Variants in LRIG2 observed in about 807,000 individuals in gnomAD.
LRIG2 encodes leucine-rich repeats and immunoglobulin-like domains protein 2.
LRIG2 carries 93 observed loss-of-function variants against 107.8 expected under a neutral mutation model. The ratio of observed to expected loss-of-function variants is 0.86; its 90% confidence interval spans 0.73 to 1.03. The LOEUF (loss-of-function observed/expected upper bound fraction) is 1.03. Ranked by LOEUF, LRIG2 falls within the 50% of genes least tolerant of loss-of-function variation. The pLI is 0.00. For missense variants in LRIG2, 1,226 were observed against 1,296.0 expected (o/e 0.95, Z 0.83); for synonymous variants, 471 against 470.6 (o/e 1.00, Z -0.01).
chr1:113,112,505 A>G lies in LRIG2; in HGVS notation c.1825A>G (p.Met609Val), dbSNP rs374221574. 3.1e-5 allele frequency: 50 copies of G among 1,603,678 alleles called. No homozygotes were observed. Among genetic ancestry groups the G allele is most frequent in the Admixed American group, 2.7e-4 (16 of 59,310 alleles). The change falls in exon 14 of 18, where the codon ATG (methionine) becomes GTG (valine). Residue 609 changes from methionine to valine, a missense_variant. Met to Val is a conservative substitution (Grantham distance 21). Coordinates refer to ENST00000361127, the MANE Select transcript of LRIG2 (RefSeq NM_014813.3). ...GATGCCATCTTTTCTGAAAACGCCA[A>G]TGGATCTGACTATTCGCACTGGTGC... ...NEMPSFLKTPMDLTIRTGAMA... is the reference protein window; with the variant it reads ...NEMPSFLKTPVDLTIRTGAMA...
In LRIG2 at chr1:113,090,917, A is replaced by C. The variant is rs139498068; in HGVS notation, c.240-401A>C. ...CCTACGCTGGAGTACAGTGACGTGA[A>C]CTTGGCTCACTGCAACCTCTGCCTC... On this transcript the variant is annotated intron_variant, in intron 1 of 17. Transcript: ENST00000361127. Among the ~76,000 whole-genome samples the C allele has an allele frequency of 5.3e-3, 809 of 151,458 alleles. 11 individuals are homozygous for C. Among genetic ancestry groups the C allele is most frequent in the African/African-American group, 0.019 (781 of 41,390 alleles).
At chr1:113,104,896 C>T (rs1181262690) in intron 11 of LRIG2, among the ~76,000 whole-genome samples, 1 of 152,094 alleles carries the variant, frequency 6.6e-6, no homozygotes, top group Non-Finnish European at 1.5e-5. Context: ...GTCTGTAATC[C>T]CAGTACTTTG....
intron 15 of LRIG2, among the ~76,000 whole-genome samples, 171 bp from the exon 16 acceptor site, chr1:113,116,116 A>G (rs145563293): frequency 9.5e-4 from 145 of 152,330 alleles, no homozygotes; most frequent in African/African-American, 3.3e-3. Flanking sequence ...AAGCTTTGAG[A>G]AGAATTCTAG....
At chr1:113,099,198 G>A (rs1479362921) in intron 9 of LRIG2, among the ~76,000 whole-genome samples, 2 of 147,640 alleles carry the variant, frequency 1.4e-5, no homozygotes, top group African/African-American at 5.0e-5. Context: ...GCCTCCCAAA[G>A]TGCCCGGATT....
chr1:113,094,561 A>T, intron 5 of LRIG2, 51 bp from the exon 6 acceptor site: 1 of 1,589,820 alleles, frequency 6.3e-7, no homozygotes, highest in Non-Finnish European at 8.6e-7. Flanking sequence ...AATTACTGTT[A>T]GAACATTTTA....
rs1655499779 is a variant in LRIG2, at chr1:113,126,762, CT to C, written c.*2664del. ...TCACCTGATTCTTGTGGGGAATCCTCTTTAATTTGTTGTAACCTTCTCAGCA... is the reference window on the plus strand; with the variant it reads ...TCACCTGATTCTTGTGGGGAATCCTCTTAATTTGTTGTAACCTTCTCAGCA... On this transcript the variant is annotated 3_prime_UTR_variant, in exon 18 of 18. Coordinates refer to ENST00000361127, the MANE Select transcript of LRIG2 (RefSeq NM_014813.3). 1 of 158,014 alleles carries C rather than the reference CT, an allele frequency of 6.3e-6. No homozygotes were observed. The highest frequency in any genetic ancestry group is 2.4e-5 in the African/African-American group (1 of 41,458). The allele number at this position is 158,014 out of a possible 1,614,324, so 9.8% of individuals were successfully genotyped here. A position where few individuals can be genotyped will look rare whatever the true frequency, so the allele number is the denominator to read the frequency against.
intron 1 of LRIG2, among the ~76,000 whole-genome samples, chr1:113,089,437 T>C (rs147369844): frequency 5.8e-4 from 88 of 152,286 alleles, no homozygotes; most frequent in Non-Finnish European, 1.1e-3. Context: ...TTTATAACTT[T>C]TATTAGTTGT....
chr1:113,091,393 TTTTA>T lies in LRIG2; in HGVS notation c.305+19_305+22del. The stretch of plus-strand genomic sequence containing the variant: ...AAACATTACAGGAAGTGTAAGTTAT[TTTTA>T]TTTATTTAAAGTTATGTTAAATTCC... On this transcript the variant is annotated intron_variant, in intron 2 of 17. Coordinates refer to ENST00000361127, the MANE Select transcript of LRIG2 (RefSeq NM_014813.3). The T allele has an allele frequency of 5.2e-6, 8 of 1,540,726 alleles. No individual in the cohort carries two copies. Among genetic ancestry groups the T allele is most frequent in the Non-Finnish European group, 6.2e-6 (7 of 1,126,366 alleles).
At chr1:113,078,891 C>A (rs1196163560) in intron 1 of LRIG2, among the ~76,000 whole-genome samples, 1 of 152,142 alleles carries the variant, frequency 6.6e-6, no homozygotes, top group African/African-American at 2.4e-5. Context: ...CTGCCCACCT[C>A]GGCCTCCCAA....
chr1:113,076,746 A>G (rs1652998378), intron 1 of LRIG2, among the ~76,000 whole-genome samples: 1 of 152,216 alleles, frequency 6.6e-6, no homozygotes. Context: ...CAAAATGATT[A>G]TGGACAAAAT....
intron 12 of LRIG2, among the ~76,000 whole-genome samples, chr1:113,109,891 A>C (rs762675638): frequency 3.3e-5 from 5 of 152,306 alleles, no homozygotes; most frequent in Middle Eastern, 3.4e-3. Flanking sequence ...AAATCCTAAT[A>C]TAAGGTTTCT....
chr1:113,080,138 A>T (rs1392748222), intron 1 of LRIG2, among the ~76,000 whole-genome samples: 1 of 146,468 alleles, frequency 6.8e-6, no homozygotes, highest in African/African-American at 2.6e-5. Context: ...CTCCTGCCTC[A>T]GCCTCCCAAG....
intron 11 of LRIG2, among the ~76,000 whole-genome samples, chr1:113,106,043 T>C (rs1487549662): frequency 6.6e-6 from 1 of 152,020 alleles, no homozygotes; most frequent in Non-Finnish European, 1.5e-5. Context: ...TCCTGGCCAA[T>C]ATGGTGAAAC....
Position 113,075,692 on chromosome 1 carries a change from C to CTT in LRIG2, c.239+2066_239+2067dup, listed in dbSNP as rs34293194. On this transcript the variant is annotated intron_variant, in intron 1 of 17. Coordinates refer to ENST00000361127, the MANE Select transcript of LRIG2 (RefSeq NM_014813.3). ...GTAATTGGAATGAATGTGGCCTATA[C>CTT]TTTTTTTTTTTTTTTTTTTTGAGAT... is the stretch of plus-strand genomic sequence containing the variant. Among the ~76,000 whole-genome samples the CTT allele has an allele frequency of 9.8e-3, 1,155 of 117,642 alleles. 43 individuals are homozygous for CTT. The highest frequency in any genetic ancestry group is 0.026 in the Middle Eastern group (5 of 196). The allele number at this position is 117,642 out of a possible 152,430, so 77.2% of individuals were successfully genotyped here. A position where few individuals can be genotyped will look rare whatever the true frequency, so the allele number is the denominator to read the frequency against.
Position 113,073,415 on chromosome 1 carries a change from G to A in LRIG2, c.9G>A (p.Pro3=), listed in dbSNP as rs774271238. 1.1e-5 allele frequency: 18 copies of A among 1,613,346 alleles called. No individual in the cohort carries two copies. Among genetic ancestry groups the A allele is most frequent in the Admixed American group, 6.7e-5 (4 of 59,936 alleles). ...CCAGGTCGAGGGGGAAAATGGCGCCGGCGCCCCTAGGCGTCCCGGAGGAGC... is the reference window on the plus strand; with the variant it reads ...CCAGGTCGAGGGGGAAAATGGCGCCAGCGCCCCTAGGCGTCCCGGAGGAGC... MA[P]APLGVPEEQL... is the part of the protein sequence containing the mutation. Residue 3 remains proline, a synonymous_variant, in exon 1 of 18, where the codon CCG becomes CCA. Coordinates refer to ENST00000361127, the MANE Select transcript of LRIG2 (RefSeq NM_014813.3).
chr1:113,118,078 C>T (rs1310468078), intron 16 of LRIG2, among the ~76,000 whole-genome samples: 2 of 152,082 alleles, frequency 1.3e-5, no homozygotes, highest in Admixed American at 1.3e-4. Flanking sequence ...TGTCACCATG[C>T]CCGGCTTATT....
Position 113,091,359 on chromosome 1 carries a change from T to C in LRIG2, c.281T>C (p.Leu94Ser). Residue 94 changes from leucine (L) to serine (S), a missense_variant, in exon 2 of 18, where the codon TTG (leucine) becomes TCG (serine). This residue lies in a region of LRIG2 where 570 missense variants were observed against 550.2 expected (regional missense o/e 1.04). Transcript: ENST00000361127. ...CGGTTGTCTAACTGGAACATCAGCT[T>C]GGAATCACAAACATTACAGGAAGTG... The part of the protein sequence containing the change: ...HNRLSNWNIS[L>S]ESQTLQEVKM... 1 of 1,603,278 alleles carries C rather than the reference T, an allele frequency of 6.2e-7. No homozygotes were observed. Among genetic ancestry groups the C allele is most frequent in the South Asian group, 1.1e-5 (1 of 89,596 alleles).
intron 1 of LRIG2, among the ~76,000 whole-genome samples, chr1:113,079,360 AAAAG>A (rs1327939980): frequency 1.6e-4 from 24 of 150,910 alleles, no homozygotes; most frequent in Non-Finnish European, 3.1e-4. Context: ...AAAAAAAAAA[AAAAG>A]AAGAGAAAGA....
At position 113,130,883 on chromosome 1, in the gene LRIG2, A is replaced by G. The variant is rs1484867471; in HGVS notation, c.*6782A>G. 6.6e-6 allele frequency: 1 copy of G among 152,218 alleles called. No homozygotes were observed. Among genetic ancestry groups the G allele is most frequent in the African/African-American group, 2.4e-5 (1 of 41,462 alleles). 9.4% of individuals were successfully genotyped at this position (152,218 alleles called of 1,614,324 possible). A position where few individuals can be genotyped will look rare whatever the true frequency, so the allele number is the denominator to read the frequency against. On this transcript the variant is annotated 3_prime_UTR_variant, in exon 18 of 18. Transcript: ENST00000361127. Reference sequence around the variant, plus strand: ...AGTTACTGGCATAAATGGTATTACTATACTAACAAATTTAAAAGCCTATAA... The same window carrying G: ...AGTTACTGGCATAAATGGTATTACTGTACTAACAAATTTAAAAGCCTATAA...
Sources: allele counts gnomAD v4.1 joint callset (sites outside exome capture counted in the v4.1 genomes callset), GRCh38; gene constraint gnomAD v4.1.1; regional missense constraint gnomAD v4.1.1; transcripts MANE v1.5; gene names NCBI Gene and HGNC (gene_info 2026-07-23, HGNC 2026-07-21).